The following CSF2RA variants were observed in gnomAD, a reference collection of about 807,000 sequenced individuals.
CSF2RA encodes granulocyte-macrophage colony-stimulating factor receptor subunit alpha.
A neutral mutation model predicts 51.6 loss-of-function variants in CSF2RA; 42 were observed. The observed-to-expected ratio is 0.81, with a 90% CI of 0.64 to 1.05. CSF2RA has a LOEUF of 1.05. Ranked by LOEUF, CSF2RA falls within the 50% of genes least tolerant of loss-of-function variation. The pLI is 0.00. For missense variants in CSF2RA, 530 were observed against 501.1 expected, an observed-to-expected ratio of 1.06 and a Z score of -0.55; for synonymous variants, 222 against 193.0, an observed-to-expected ratio of 1.15 and a Z score of -1.24.
chrX:1,296,548 C>G (rs2091971324), intron 9 of CSF2RA, among the ~76,000 whole-genome samples: 2 of 23,300 alleles, frequency 8.6e-5, no homozygotes, highest in East Asian at 1.3e-3. Flanking sequence ...CTCACGACCC[C>G]TACAGTCTCC....
intron 6 of CSF2RA, among the ~76,000 whole-genome samples, chrX:1,289,450 G>C (rs1379751003): frequency 1.3e-5 from 2 of 152,000 alleles, no homozygotes; most frequent in African/African-American, 4.8e-5. Context: ...TTGTTGTTTT[G>C]TTTTGTGTTT....
At chrX:1,280,096 C>T (rs1285116330) in intron 2 of CSF2RA, among the ~76,000 whole-genome samples, 13 of 151,960 alleles carry the variant, frequency 8.6e-5, no homozygotes, top group Non-Finnish European at 1.8e-4. Flanking sequence ...GGCCGAGAGA[C>T]GCAATCTTTC....
chrX:1,308,089 A>C (rs1229096672), intron 12 of CSF2RA, among the ~76,000 whole-genome samples: 1 of 151,914 alleles, frequency 6.6e-6, no homozygotes, highest in African/African-American at 2.4e-5. Flanking sequence ...TAGACCTTTG[A>C]CTGATTAGAT....
chrX:1,323,396 A>T, the CSF2RA span, among the ~76,000 whole-genome samples: 1 of 151,928 alleles, frequency 6.6e-6, no homozygotes, highest in South Asian at 2.1e-4. Context: ...AAACGTCCAT[A>T]GTTACTAGTC....
intron 7 of CSF2RA, among the ~76,000 whole-genome samples, chrX:1,293,669 C>A (rs1414912789): frequency 6.6e-6 from 1 of 151,518 alleles, no homozygotes; most frequent in Non-Finnish European, 1.5e-5. Flanking sequence ...TCCATATCTA[C>A]CTGGACCCAG....
chrX:1,284,602 T>G (rs750221454), intron 3 of CSF2RA, among the ~76,000 whole-genome samples: 233 of 119,110 alleles, frequency 2.0e-3, no homozygotes, highest in Middle Eastern at 4.7e-3. Context: ...TAATTTAAAT[T>G]TTTTTTTTTT....
chrX:1,270,274 G>T (rs1300245176), intron 1 of CSF2RA, among the ~76,000 whole-genome samples: 2 of 151,988 alleles, frequency 1.3e-5, no homozygotes, highest in Admixed American at 6.6e-5. Context: ...TCATCTGGCT[G>T]TGTCATCCAG....
the CSF2RA span, among the ~76,000 whole-genome samples, chrX:1,319,476 C>T: frequency 8.7e-5 from 13 of 149,826 alleles, 1 homozygote; most frequent in Admixed American, 4.0e-4. Flanking sequence ...TTAGTACAGA[C>T]GGGGTCTCAC....
chrX:1,317,573 ATT>A, the CSF2RA span, among the ~76,000 whole-genome samples: 40 of 131,606 alleles, frequency 3.0e-4, no homozygotes, highest in African/African-American at 1.2e-3. Flanking sequence ...ATTTTATTTT[ATT>A]TTTTTTTTTT....
chrX:1,301,595 C>CTTTTTTTT (rs777108928), intron 10 of CSF2RA, among the ~76,000 whole-genome samples: 2 of 105,800 alleles, frequency 1.9e-5, no homozygotes, highest in African/African-American at 3.5e-5. Flanking sequence ...CTCTTTTTTT[C>CTTTTTTTT]TTTTTTTTTT....
rs181073817 is a variant in CSF2RA, at chrX:1,302,104, C to T, written c.946+1478C>T. ...GCTAATTTTGTATTTTTAGTAGAGA[C>T]GGGGTTTCACCATGTTGGTCAGGCT... is the stretch of plus-strand genomic sequence containing the variant. On this transcript the variant is annotated intron_variant, in intron 10 of 12. Coordinates refer to ENST00000381529, the MANE Select transcript of CSF2RA (RefSeq NM_172245.4). Among the ~76,000 whole-genome samples, 551 of 151,142 alleles carry T rather than the reference C, an allele frequency of 3.6e-3. 4 individuals carry two copies. The highest frequency in any genetic ancestry group is 0.013 in the African/African-American group (517 of 41,138).
At chrX:1,323,158 T>TATAAA in the CSF2RA span, among the ~76,000 whole-genome samples, 1,443 of 134,014 alleles carry the variant, frequency 0.011, 25 homozygotes, top group African/African-American at 0.043. Context: ...ACATTACAAT[T>TATAAA]ATAAAATAAA....
At chrX:1,301,346 A>AG (rs1569509661) in intron 10 of CSF2RA, among the ~76,000 whole-genome samples, 2 of 149,396 alleles carry the variant, frequency 1.3e-5, no homozygotes, top group African/African-American at 4.9e-5. Context: ...AAAAAAAAAA[A>AG]AAAAAAAAGA....
At chrX:1,324,575 G>GGAAA in the CSF2RA span, among the ~76,000 whole-genome samples, 1 of 144,864 alleles carries the variant, frequency 6.9e-6, no homozygotes, top group Non-Finnish European at 1.5e-5. Flanking sequence ...AAGGAAGGAA[G>GGAAA]GAAAGAAAGA....
chrX:1,305,862 T>C (rs1159398035), intron 12 of CSF2RA: 2 of 1,411,320 alleles, frequency 1.4e-6, no homozygotes, highest in Admixed American at 2.0e-5. Context: ...ATGTGGATCA[T>C]CTGAGGTCAG....
At chrX:1,318,745 A>G in the CSF2RA span, among the ~76,000 whole-genome samples, 3 of 150,782 alleles carry the variant, frequency 2.0e-5, no homozygotes, top group African/African-American at 7.3e-5. Context: ...GTGAAACCCC[A>G]TCTCTACTAA....
rs192295247 is a variant in CSF2RA at position 1,299,779 on chromosome X, G to A, written c.811-712G>A. On this transcript the variant is annotated intron_variant, in intron 9 of 12. Coordinates refer to ENST00000381529, the MANE Select transcript of CSF2RA (RefSeq NM_172245.4). ...CTAAAAATACAAAACGTACCCATGC[G>A]TGGTGGCGGGCGCCTGTAATCCCAG... 5.2e-3 allele frequency among the ~76,000 whole-genome samples: 796 copies of A among 152,138 alleles called. 8 individuals are homozygous for A. The highest frequency in any genetic ancestry group is 0.018 in the African/African-American group (761 of 41,512).
downstream of CSF2RA, among the ~76,000 whole-genome samples, chrX:1,312,776 C>T (rs1252497832): frequency 1.3e-5 from 2 of 152,084 alleles, no homozygotes; most frequent in Non-Finnish European, 2.9e-5. Flanking sequence ...GGGTGTTCCA[C>T]GTCCCTCCTG....
chrX:1,292,907 G>T (rs1255825674), intron 7 of CSF2RA, among the ~76,000 whole-genome samples: 1 of 152,110 alleles, frequency 6.6e-6, no homozygotes, highest in East Asian at 1.9e-4. Context: ...ATCTCAGACT[G>T]TCTCAGTGGG....
Sources: allele counts gnomAD v4.1 joint callset (sites outside exome capture counted in the v4.1 genomes callset), GRCh38; gene constraint gnomAD v4.1.1; transcripts MANE v1.5; gene names NCBI Gene and HGNC (gene_info 2026-07-23, HGNC 2026-07-21).